RHBDD1: variants seen among roughly 807,000 people sequenced by gnomAD.
The protein encoded by RHBDD1 is rhomboid domain containing 1, also known as rhomboid-related protein 4.
Under a neutral mutation model 36.3 loss-of-function variants are expected in RHBDD1, and 38 were observed. That is an observed-to-expected ratio of 1.05 (90% CI 0.81 to 1.37). The LOEUF is 1.37. Ranked by LOEUF, RHBDD1 falls within the 40% of genes most tolerant of loss-of-function variation. The pLI is 0.00. For missense variants in RHBDD1, 393 were observed against 377.6 expected (o/e 1.04, Z -0.34); for synonymous variants, 151 against 136.5 (o/e 1.11, Z -0.74).
At chr2:226,898,869 G>A in intron 5 of RHBDD1, among the ~76,000 whole-genome samples, 1 of 152,178 alleles carries the variant, frequency 6.6e-6, no homozygotes, top group East Asian at 1.9e-4. Flanking sequence ...GCCACTTCTA[G>A]CTGACTGCCT....
chr2:226,987,453 A>G (rs1957231731), intron 8 of RHBDD1, among the ~76,000 whole-genome samples: 1 of 152,228 alleles, frequency 6.6e-6, no homozygotes, highest in South Asian at 2.1e-4. Flanking sequence ...AAAAGTCATG[A>G]GCAGCTAGCT....
At chr2:226,824,410 ATATAT>A in the RHBDD1 span, among the ~76,000 whole-genome samples, 1 of 152,220 alleles carries the variant, frequency 6.6e-6, no homozygotes, top group Non-Finnish European at 1.5e-5. Context: ...TTCCACTTAT[ATATAT>A]CTAACATTCT....
chr2:226,839,204 T>A (rs756520180), intron 2 of RHBDD1, among the ~76,000 whole-genome samples: 2 of 152,198 alleles, frequency 1.3e-5, no homozygotes, highest in African/African-American at 2.4e-5. Flanking sequence ...GTCATAATTT[T>A]ATTTGTCAGT....
intron 5 of RHBDD1, among the ~76,000 whole-genome samples, chr2:226,906,085 G>C (rs564392565): frequency 1.3e-5 from 2 of 152,256 alleles, no homozygotes; most frequent in East Asian, 1.9e-4. Context: ...GTTGCCACTT[G>C]GGTCAAAGTA....
chr2:226,867,071 C>T, intron 4 of RHBDD1, 115 bp from the exon 5 acceptor site: 1 of 1,072,966 alleles, frequency 9.3e-7, no homozygotes, highest in Middle Eastern at 2.8e-4. Flanking sequence ...TGTTTTAAAG[C>T]ACAAAGTTGG....
chr2:226,912,100 C>G (rs1437591197), intron 7 of RHBDD1, among the ~76,000 whole-genome samples: 1 of 151,980 alleles, frequency 6.6e-6, no homozygotes, highest in African/African-American at 2.4e-5. Flanking sequence ...CACACATGGC[C>G]AATAAGCACA....
At chr2:226,919,501 T>C (rs1246533789) in intron 8 of RHBDD1, among the ~76,000 whole-genome samples, 1 of 152,128 alleles carries the variant, frequency 6.6e-6, no homozygotes, top group Non-Finnish European at 1.5e-5. Context: ...TTTTTGTATA[T>C]GGTGAGAGAT....
chr2:226,877,043 A>T (rs1945294613), intron 5 of RHBDD1, among the ~76,000 whole-genome samples: 1 of 152,190 alleles, frequency 6.6e-6, no homozygotes, highest in Non-Finnish European at 1.5e-5. Flanking sequence ...TCATACAGGT[A>T]TGTACTTGGG....
chr2:226,982,036 T>C (rs946036777), intron 8 of RHBDD1, among the ~76,000 whole-genome samples: 4 of 152,254 alleles, frequency 2.6e-5, no homozygotes, highest in African/African-American at 7.2e-5. Flanking sequence ...ATCATACTTT[T>C]GATAAGTATA....
intron 8 of RHBDD1, among the ~76,000 whole-genome samples, chr2:226,975,840 A>G (rs1954465527): frequency 6.6e-6 from 1 of 152,164 alleles, no homozygotes; most frequent in African/African-American, 2.4e-5. Context: ...GCAAGATTTC[A>G]TTGTCACCAA....
the RHBDD1 span, among the ~76,000 whole-genome samples, chr2:226,806,129 C>T: frequency 2.5e-4 from 37 of 147,556 alleles, no homozygotes; most frequent in Non-Finnish European, 4.7e-4. Flanking sequence ...CTCCAAGGTT[C>T]TTTATTTTAA....
At chr2:226,894,572 A>G (rs898244100) in intron 5 of RHBDD1, among the ~76,000 whole-genome samples, 1 of 152,194 alleles carries the variant, frequency 6.6e-6, no homozygotes, top group East Asian at 1.9e-4. Context: ...CACCCAGCCT[A>G]TAATTCATAA....
intron 8 of RHBDD1, among the ~76,000 whole-genome samples, chr2:226,923,018 C>T (rs769740994): frequency 6.6e-6 from 1 of 152,116 alleles, no homozygotes; most frequent in East Asian, 1.9e-4. Context: ...TTGATTGGTT[C>T]ATCTTATAGT....
At chr2:226,973,929 C>T (rs1954062238) in intron 8 of RHBDD1, among the ~76,000 whole-genome samples, 1 of 152,180 alleles carries the variant, frequency 6.6e-6, no homozygotes, top group Admixed American at 6.5e-5. Flanking sequence ...TTTTCGTTCG[C>T]ATGGGCTCTT....
intron 5 of RHBDD1, among the ~76,000 whole-genome samples, chr2:226,881,470 C>T (rs1037496010): frequency 3.9e-5 from 6 of 152,184 alleles, no homozygotes; most frequent in South Asian, 2.1e-4. Flanking sequence ...AGTTCCTTAG[C>T]TTATTTGCTG....
intron 8 of RHBDD1, among the ~76,000 whole-genome samples, chr2:226,963,585 G>T (rs955369087): frequency 2.0e-5 from 3 of 152,012 alleles, no homozygotes; most frequent in African/African-American, 7.2e-5. Context: ...TTGTGGTCTT[G>T]CTCTTCTCCC....
Position 226,839,573 on chromosome 2 carries a change from T to G in RHBDD1, c.-145T>G, listed in dbSNP as rs1367093050. On this transcript the variant is annotated 5_prime_UTR_variant, in exon 3 of 9. Transcript: ENST00000392062. ...CTGGACGTGAAACTCTGTGGTGGAA[T>G]AGAAATCCTCAGGGCATGAGCTATA... 1 of 152,138 alleles carries G rather than the reference T, an allele frequency of 6.6e-6. No individual in the cohort carries two copies. Among genetic ancestry groups the G allele is most frequent in the African/African-American group, 2.4e-5 (1 of 41,422 alleles). 9.4% of individuals were successfully genotyped at this position (152,138 alleles called of 1,614,324 possible). A position where few individuals can be genotyped will look rare whatever the true frequency, so the allele number is the denominator to read the frequency against.
chr2:226,976,139 G>A (rs1954532348), intron 8 of RHBDD1, among the ~76,000 whole-genome samples: 1 of 151,264 alleles, frequency 6.6e-6, no homozygotes, highest in Non-Finnish European at 1.5e-5. Flanking sequence ...AGGTGTGAGA[G>A]CACAGCCTGC....
At chr2:226,817,937 C>A in the RHBDD1 span, among the ~76,000 whole-genome samples, 1 of 152,102 alleles carries the variant, frequency 6.6e-6, no homozygotes, top group Non-Finnish European at 1.5e-5. Flanking sequence ...CACATAGATC[C>A]CTAGGTCTTT....
Sources: gnomAD v4.1 joint callset for allele counts (sites outside exome capture counted in the v4.1 genomes callset) on GRCh38, gnomAD v4.1.1 for gene constraint, MANE v1.5 for transcripts, NCBI Gene and HGNC (gene_info 2026-07-23, HGNC 2026-07-21) for gene names.